EDNRA: variants seen among roughly 807,000 people sequenced by gnomAD.
EDNRA encodes endothelin-1 receptor.
In EDNRA, 11 loss-of-function variants were observed where a neutral mutation model predicts 41.4. The observed-to-expected ratio is 0.27, with a 90% CI of 0.17 to 0.44. The LOEUF (loss-of-function observed/expected upper bound fraction) is 0.44. Ranked by LOEUF, EDNRA falls within the 20% of genes least tolerant of loss-of-function variation. The probability of loss-of-function intolerance (pLI) is 1.00; values close to 1 mark genes in which losing one functional copy is unlikely to be tolerated. For synonymous variants in EDNRA, 172 were observed against 183.0 expected, an observed-to-expected ratio of 0.94 and a Z score of 0.49; for missense variants, 294 against 531.0, an observed-to-expected ratio of 0.55 and a Z score of 4.39.
At chr4:147,483,422 C>T (rs774665153) in intron 1 of EDNRA, among the ~76,000 whole-genome samples, 3 of 152,058 alleles carry the variant, frequency 2.0e-5, no homozygotes, top group Admixed American at 6.6e-5. Flanking sequence ...TACCTAGAGT[C>T]GTAAAGCTCA....
In EDNRA at chr4:147,519,877, T is replaced by G. The variant is rs1358725660; in HGVS notation, c.447T>G (p.Asp149Glu). 6.2e-7 allele frequency: 1 copy of G among 1,613,734 alleles called. No homozygotes were observed. The highest frequency in any genetic ancestry group is 8.5e-7 in the Non-Finnish European group (1 of 1,179,768). Residue 149 changes from aspartate to glutamate, a missense_variant, in exon 3 of 8, where the codon GAT becomes GAG. By Grantham distance (45) the Asp-to-Glu change is conservative. Coordinates refer to ENST00000651419, the MANE Select transcript of EDNRA (RefSeq NM_001957.4). This position sits in a 1 kb window ranked among gnomAD's most constrained non-coding sequence, Gnocchi z 4.1. ...TGCTGGCTGGGCGCTGGCCTTTTGATCACAATGACTTTGGCGTATTTCTTT... is the reference window on the plus strand; with the variant it reads ...TGCTGGCTGGGCGCTGGCCTTTTGAGCACAATGACTTTGGCGTATTTCTTT... ...FKLLAGRWPFDHNDFGVFLCK... is the reference protein window; with the variant it reads ...FKLLAGRWPFEHNDFGVFLCK...
intron 2 of EDNRA, among the ~76,000 whole-genome samples, chr4:147,510,129 C>A (rs1044061273): frequency 6.6e-6 from 1 of 152,076 alleles, no homozygotes; most frequent in Non-Finnish European, 1.5e-5. Flanking sequence ...GTTTTCTTGG[C>A]AGTCAATATT....
At position 147,536,129 on chromosome 4, in the gene EDNRA, T is replaced by C. The variant is rs1730912777; in HGVS notation, c.900+100T>C. On this transcript the variant is annotated intron_variant, in intron 5 of 7. Transcript: ENST00000651419. The stretch of plus-strand genomic sequence containing the variant: ...CTTTAGTAGAATTAGCCTGATTTCC[T>C]AAAATAAAAATACTATCCTGTAACT... 2.2e-6 allele frequency: 3 copies of C among 1,376,576 alleles called. No homozygotes were observed. In the Admixed American group the frequency reaches 6.1e-5, roughly 28 times the overall value. 85.3% of individuals were successfully genotyped at this position (1,376,576 alleles called of 1,614,324 possible). A position where few individuals can be genotyped will look rare whatever the true frequency, so the allele number is the denominator to read the frequency against.
intron 2 of EDNRA, among the ~76,000 whole-genome samples, chr4:147,518,967 A>T (rs1364702758): frequency 6.6e-6 from 1 of 152,208 alleles, no homozygotes; most frequent in Non-Finnish European, 1.5e-5. Flanking sequence ...TAATTAGACA[A>T]ATACAGAGTA....
chr4:147,502,203 A>G (rs1054776280), intron 2 of EDNRA, among the ~76,000 whole-genome samples: 3 of 152,182 alleles, frequency 2.0e-5, no homozygotes, highest in African/African-American at 7.2e-5. Flanking sequence ...TACTCTTGCA[A>G]AAGTATACAT....
intron 7 of EDNRA, 64 bp from the exon 8 acceptor site, chr4:147,542,414 C>T: frequency 6.2e-7 from 1 of 1,605,870 alleles, no homozygotes; most frequent in African/African-American, 1.3e-5. Flanking sequence ...GGCCCAGGGC[C>T]GCTGTGTTTG....
chr4:147,538,516 C>T (rs938318385), intron 5 of EDNRA, among the ~76,000 whole-genome samples: 8 of 152,146 alleles, frequency 5.3e-5, no homozygotes, highest in African/African-American at 1.4e-4. Context: ...CTTTTAAAAG[C>T]GTTATCCTCT....
chr4:147,517,048 C>T (rs1730140092), intron 2 of EDNRA, among the ~76,000 whole-genome samples: 1 of 151,306 alleles, frequency 6.6e-6, no homozygotes, highest in Non-Finnish European at 1.5e-5. Flanking sequence ...GAAGAAAACA[C>T]ACTTAGCAAT....
intron 2 of EDNRA, among the ~76,000 whole-genome samples, chr4:147,511,623 T>C (rs188787460): frequency 1.1e-4 from 16 of 152,308 alleles, no homozygotes; most frequent in Non-Finnish European, 1.9e-4. Context: ...CCCTTTTTCC[T>C]ATTCATCATC....
Position 147,532,489 on chromosome 4 carries a change from A to C in EDNRA, c.549-17A>C. On this transcript the variant is annotated splice_polypyrimidine_tract_variant and intron_variant, in intron 3 of 7. Transcript: ENST00000651419. ...TAAAATTTCCTAACAACTTGGTTCC[A>C]TTACCCTTTTTTTCAGGTACAGAGC... 1.9e-6 allele frequency: 3 copies of C among 1,613,422 alleles called. No individual in the cohort carries two copies. Among genetic ancestry groups the C allele is most frequent in the Non-Finnish European group, 2.5e-6 (3 of 1,179,510 alleles).
intron 2 of EDNRA, among the ~76,000 whole-genome samples, chr4:147,511,798 T>C (rs528030941): frequency 6.6e-6 from 1 of 152,320 alleles, no homozygotes; most frequent in East Asian, 1.9e-4. Flanking sequence ...TAAAATCAAC[T>C]ATAAAACTTT....
At chr4:147,520,246 A>G (rs1730274546) in intron 3 of EDNRA, among the ~76,000 whole-genome samples, 1 of 152,246 alleles carries the variant, frequency 6.6e-6, no homozygotes, top group Admixed American at 6.5e-5. Flanking sequence ...GAAAATTAAC[A>G]TATTAGATGG....
At chr4:147,540,168 G>C (rs887394112) in intron 6 of EDNRA, among the ~76,000 whole-genome samples, 1 of 152,214 alleles carries the variant, frequency 6.6e-6, no homozygotes, top group East Asian at 1.9e-4. Context: ...TGTGCATAAG[G>C]GTTTGAGCTA....
intron 4 of EDNRA, among the ~76,000 whole-genome samples, chr4:147,534,658 G>A (rs967386926): frequency 2.6e-5 from 4 of 151,956 alleles, no homozygotes; most frequent in Non-Finnish European, 4.4e-5. Flanking sequence ...TCAACAGTTC[G>A]GTAGTTATTA....
intron 2 of EDNRA, among the ~76,000 whole-genome samples, chr4:147,513,664 C>T (rs750967153): frequency 2.0e-5 from 3 of 152,134 alleles, no homozygotes; most frequent in Non-Finnish European, 4.4e-5. Context: ...AAGCCTGATA[C>T]CTGGTCAGTC....
intron 2 of EDNRA, among the ~76,000 whole-genome samples, chr4:147,511,638 A>G (rs1468089699): frequency 6.6e-6 from 1 of 152,152 alleles, no homozygotes; most frequent in Non-Finnish European, 1.5e-5. Flanking sequence ...ATCATCACCT[A>G]CATCACTGAT....
At chr4:147,542,391 C>A in intron 7 of EDNRA, 87 bp from the exon 8 acceptor site, 1 of 1,559,638 alleles carries the variant, frequency 6.4e-7, no homozygotes, top group Non-Finnish European at 8.7e-7. Flanking sequence ...GGACATTTGC[C>A]CCTCATTAGC....
Position 147,485,817 on chromosome 4 carries a change from A to G in EDNRA, c.136A>G (p.Ser46Gly), listed in dbSNP as rs776662697. The change falls in exon 2 of 8, where the codon AGC becomes GGC. Residue 46 changes from serine (S) to glycine (G), a missense_variant. Transcript: ENST00000651419. ...DFTTFRGTEL[S>G]FLVTTHQPTN... ...CACCACTTTTCGTGGCACAGAGCTCAGCTTCCTGGTTACCACTCATCAACC... is the reference window on the plus strand; with the variant it reads ...CACCACTTTTCGTGGCACAGAGCTCGGCTTCCTGGTTACCACTCATCAACC... The G allele has an allele frequency of 2.5e-6, 4 of 1,614,130 alleles. No homozygotes were observed. Among genetic ancestry groups the G allele is most frequent in the Non-Finnish European group, 3.4e-6 (4 of 1,180,032 alleles).
chr4:147,521,352 T>C lies in EDNRA; in HGVS notation c.548+1374T>C, dbSNP rs1303274261. ...ACAAAGATCAGAAATAACCTTATCA[T>C]CTATTAATAATACCCTTCAGTGATT... is the stretch of plus-strand genomic sequence containing the variant. On this transcript the variant is annotated intron_variant, in intron 3 of 7. Coordinates refer to ENST00000651419, the MANE Select transcript of EDNRA (RefSeq NM_001957.4). Among the ~76,000 whole-genome samples the C allele has an allele frequency of 3.3e-5, 5 of 152,220 alleles. No homozygotes were observed. In the East Asian group the frequency reaches 9.6e-4, roughly 29 times the overall value.
Sources: gnomAD v4.1 joint callset for allele counts (sites outside exome capture counted in the v4.1 genomes callset) on GRCh38, gnomAD v4.1.1 for gene constraint, Gnocchi (gnomAD v3.1) non-coding constraint, MANE v1.5 for transcripts, NCBI Gene and HGNC (gene_info 2026-07-23, HGNC 2026-07-21) for gene names.